PIK3C2G: variants seen among roughly 807,000 people sequenced by gnomAD.
The protein encoded by PIK3C2G is phosphatidylinositol 3-kinase C2 domain-containing subunit gamma.
PIK3C2G carries 168 observed loss-of-function variants against 181.1 expected under a neutral mutation model. The observed-to-expected ratio is 0.93, with a 90% CI of 0.82 to 1.05. The LOEUF (loss-of-function observed/expected upper bound fraction) is 1.05. Ranked by LOEUF, PIK3C2G falls within the 50% of genes least tolerant of loss-of-function variation. The pLI is 0.00. For synonymous variants in PIK3C2G, 573 were observed against 592.2 expected (o/e 0.97, Z 0.47); for missense variants, 1,869 against 1,732.8 (o/e 1.08, Z -1.40).
chr12:18,527,270 A>C (rs1943288642), intron 24 of PIK3C2G, among the ~76,000 whole-genome samples: 1 of 152,198 alleles, frequency 6.6e-6, no homozygotes, highest in Non-Finnish European at 1.5e-5. Context: ...GAATAATACA[A>C]ATGTCTCCTA....
intron 30 of PIK3C2G, chr12:18,607,070 A>G (rs1274801180): frequency 2.4e-6 from 1 of 410,652 alleles, no homozygotes; most frequent in African/African-American, 2.1e-5. Flanking sequence ...ACAAACTGAG[A>G]CATATAAAAT....
At chr12:18,547,052 C>T (rs1944469991) in intron 26 of PIK3C2G, among the ~76,000 whole-genome samples, 1 of 151,870 alleles carries the variant, frequency 6.6e-6, no homozygotes, top group Admixed American at 6.6e-5. Context: ...TAAATGTTAG[C>T]AGTAATTATT....
intron 9 of PIK3C2G, among the ~76,000 whole-genome samples, chr12:18,340,308 T>A (rs1939011332): frequency 6.6e-6 from 1 of 152,060 alleles, no homozygotes; most frequent in African/African-American, 2.4e-5. Flanking sequence ...TCTCATAATG[T>A]TTTAAGGAAG....
chr12:18,650,957 C>A (rs775202589), downstream of PIK3C2G, among the ~76,000 whole-genome samples: 38 of 151,532 alleles, frequency 2.5e-4, 1 homozygote, highest in Non-Finnish European at 5.3e-4. Flanking sequence ...ATAGTCTATT[C>A]TCAACACAGC....
intron 18 of PIK3C2G, among the ~76,000 whole-genome samples, chr12:18,475,423 C>A (rs1938889658): frequency 6.8e-6 from 1 of 146,772 alleles, no homozygotes; most frequent in African/African-American, 2.5e-5. Context: ...TTTTTTCTTA[C>A]ATTTGTAATT....
intron 5 of PIK3C2G, among the ~76,000 whole-genome samples, chr12:18,301,703 T>G (rs886196720): frequency 4.6e-5 from 7 of 152,202 alleles, no homozygotes; most frequent in Non-Finnish European, 1.0e-4. Flanking sequence ...TTATCTCATA[T>G]ATTTTCTTTT....
the PIK3C2G span, among the ~76,000 whole-genome samples, chr12:18,710,064 G>A: frequency 9.2e-5 from 14 of 151,362 alleles, no homozygotes; most frequent in South Asian, 1.0e-3. Context: ...GTGTGGAATC[G>A]TTGGGCTTTT....
At chr12:18,489,170 G>A (rs752904502) in intron 19 of PIK3C2G, among the ~76,000 whole-genome samples, 4 of 151,860 alleles carry the variant, frequency 2.6e-5, no homozygotes, top group Non-Finnish European at 5.9e-5. Flanking sequence ...AAGAATATTT[G>A]CTCTTTTTAA....
At chr12:18,285,646 T>A (rs944572391) in intron 2 of PIK3C2G, among the ~76,000 whole-genome samples, 1 of 151,830 alleles carries the variant, frequency 6.6e-6, no homozygotes, top group Non-Finnish European at 1.5e-5. Flanking sequence ...CTAAGTAAAC[T>A]GAGATATATT....
At position 18,263,753 on chromosome 12, in the gene PIK3C2G, G is replaced by A. The variant is rs181301071; in HGVS notation, c.-79+2176G>A. ...ACAAATTGCCTGTGATACCTTTTTC[G>A]TCTTTTAAATTTTAAGCAATACTTA... On this transcript the variant is annotated intron_variant, in intron 1 of 32. Coordinates refer to ENST00000538779, the MANE Select transcript of PIK3C2G (RefSeq NM_001288772.2). 1.2e-4 allele frequency among the ~76,000 whole-genome samples: 18 copies of A among 151,740 alleles called. No homozygotes were observed. In the East Asian group the frequency reaches 1.6e-3, roughly 13 times the overall value.
chr12:18,663,474 A>T, the PIK3C2G span, among the ~76,000 whole-genome samples: 1 of 152,272 alleles, frequency 6.6e-6, no homozygotes, highest in Non-Finnish European at 1.5e-5. Flanking sequence ...TGCATAGGTT[A>T]TATGCAAATA....
At chr12:18,718,747 C>A in the PIK3C2G span, among the ~76,000 whole-genome samples, 2 of 152,140 alleles carry the variant, frequency 1.3e-5, no homozygotes, top group African/African-American at 4.8e-5. Flanking sequence ...CTGTATGATT[C>A]ATTCATCCTT....
At chr12:18,672,758 C>G in the PIK3C2G span, among the ~76,000 whole-genome samples, 2 of 152,150 alleles carry the variant, frequency 1.3e-5, no homozygotes, top group Non-Finnish European at 2.9e-5. Context: ...ACTCTTCCCT[C>G]CCTTCAACCT....
intron 18 of PIK3C2G, among the ~76,000 whole-genome samples, chr12:18,468,748 A>G (rs897435385): frequency 4.6e-5 from 7 of 152,138 alleles, no homozygotes; most frequent in Non-Finnish European, 5.9e-5. Context: ...TTGCTCAAGG[A>G]ATGAATTTCA....
intron 31 of PIK3C2G, among the ~76,000 whole-genome samples, chr12:18,620,069 A>C (rs1466272023): frequency 6.6e-6 from 1 of 152,078 alleles, no homozygotes; most frequent in Non-Finnish European, 1.5e-5. Flanking sequence ...TGTCCCAGGC[A>C]TGACACATTT....
At chr12:18,324,911 T>A (rs1262647591) in intron 7 of PIK3C2G, 124 bp from the exon 8 acceptor site, 1 of 554,732 alleles carries the variant, frequency 1.8e-6, no homozygotes, top group Non-Finnish European at 3.2e-6. Context: ...TCAACAATAA[T>A]CCTTTTTATA....
intron 1 of PIK3C2G, among the ~76,000 whole-genome samples, chr12:18,281,375 T>C (rs1174419576): frequency 6.6e-6 from 1 of 151,338 alleles, no homozygotes; most frequent in Non-Finnish European, 1.5e-5. Context: ...ATTTTAAGTA[T>C]GGTGAACGGT....
intron 13 of PIK3C2G, among the ~76,000 whole-genome samples, chr12:18,376,084 T>A (rs1201627990): frequency 3.5e-4 from 53 of 152,086 alleles, no homozygotes; most frequent in Non-Finnish European, 8.8e-5. Context: ...AGGATAAATA[T>A]GGGGTTGGAT....
intron 8 of PIK3C2G, among the ~76,000 whole-genome samples, chr12:18,325,618 G>A (rs1411436446): frequency 6.7e-6 from 1 of 149,534 alleles, no homozygotes; most frequent in Non-Finnish European, 1.5e-5. Context: ...TGAGGCAGGA[G>A]AATAGCTTGA....
Sources: gnomAD v4.1 joint callset for allele counts (sites outside exome capture counted in the v4.1 genomes callset) on GRCh38, gnomAD v4.1.1 for gene constraint, MANE v1.5 for transcripts, NCBI Gene and HGNC (gene_info 2026-07-23, HGNC 2026-07-21) for gene names.